Variants in UNC13C observed in about 807,000 individuals in gnomAD.
The protein encoded by UNC13C is protein unc-13 homolog C.
A neutral mutation model predicts 245.4 loss-of-function variants in UNC13C; 174 were observed. The observed-to-expected ratio is 0.71, with a 90% CI of 0.63 to 0.80. The LOEUF (loss-of-function observed/expected upper bound fraction) is 0.80. UNC13C is among the 30% of genes least tolerant of loss of function. UNC13C has a pLI of 0.00. For synonymous variants in UNC13C, 992 were observed against 895.1 expected, an observed-to-expected ratio of 1.11 and a Z score of -1.93; for missense variants, 2,829 against 2,602.9, an observed-to-expected ratio of 1.09 and a Z score of -1.89.
chr15:54,472,742 T>C (rs1203978247), intron 19 of UNC13C, among the ~76,000 whole-genome samples: 1 of 151,958 alleles, frequency 6.6e-6, no homozygotes, highest in East Asian at 1.9e-4. Flanking sequence ...AGAATGTTTC[T>C]TCTGAAATAT....
intron 4 of UNC13C, among the ~76,000 whole-genome samples, chr15:54,233,030 G>A (rs2035594633): frequency 6.6e-6 from 1 of 152,050 alleles, no homozygotes; most frequent in African/African-American, 2.4e-5. Flanking sequence ...TCTGAAGGTG[G>A]GGCTTAAGAA....
chr15:54,396,913 A>G (rs2040081363), intron 18 of UNC13C, among the ~76,000 whole-genome samples: 1 of 151,000 alleles, frequency 6.6e-6, no homozygotes, highest in African/African-American at 2.4e-5. Context: ...TATACTAGAT[A>G]AAAGTCTGTC....
chr15:53,969,623 C>T, the UNC13C span, among the ~76,000 whole-genome samples: 1 of 147,728 alleles, frequency 6.8e-6, no homozygotes, highest in African/African-American at 2.5e-5. Flanking sequence ...GAGTTAGAGG[C>T]TGCAGTGGGC....
At chr15:54,550,213 T>C (rs1484759572) in intron 28 of UNC13C, among the ~76,000 whole-genome samples, 1 of 152,152 alleles carries the variant, frequency 6.6e-6, no homozygotes, top group African/African-American at 2.4e-5. Flanking sequence ...TTCTACCTAC[T>C]AGAATGTAGT....
chr15:54,143,009 C>G lies in UNC13C; in HGVS notation c.2984-9C>G, dbSNP rs773653515. ...ACATTTATCCCTTCTTTTCCTGATT[C>G]TCTTTCAGATAGCAGTTCTGTGGAT... On this transcript the variant is annotated splice_polypyrimidine_tract_variant and intron_variant, in intron 2 of 32. Transcript: ENST00000260323. The G allele has an allele frequency of 1.9e-5, 31 of 1,611,310 alleles. No homozygotes were observed. In the South Asian group the frequency reaches 3.4e-4, roughly 18 times the overall value.
chr15:54,340,081 A>G (rs1222638250), intron 17 of UNC13C, among the ~76,000 whole-genome samples: 1 of 152,124 alleles, frequency 6.6e-6, no homozygotes, highest in Admixed American at 6.5e-5. Flanking sequence ...GGCCATTTGT[A>G]TATCTTCTTT....
At chr15:54,153,081 ACTT>A (rs147441591) in intron 4 of UNC13C, among the ~76,000 whole-genome samples, 3,700 of 152,168 alleles carry the variant, frequency 0.024, 152 homozygotes, top group African/African-American at 0.08. Context: ...ATAATTACTC[ACTT>A]CTTATTTAAA....
intron 13 of UNC13C, among the ~76,000 whole-genome samples, chr15:54,310,740 A>G (rs2037845798): frequency 1.7e-5 from 2 of 117,410 alleles, no homozygotes; most frequent in Non-Finnish European, 3.9e-5. Context: ...GCCTCATTTT[A>G]TATATCTATA....
chr15:54,407,185 T>G (rs1039426823), intron 18 of UNC13C, among the ~76,000 whole-genome samples: 1 of 152,066 alleles, frequency 6.6e-6, no homozygotes, highest in Non-Finnish European at 1.5e-5. Flanking sequence ...GGTGATAATA[T>G]AGAAGATGTA....
intron 19 of UNC13C, among the ~76,000 whole-genome samples, chr15:54,481,978 A>G (rs1381817571): frequency 6.6e-6 from 1 of 152,132 alleles, no homozygotes; most frequent in Non-Finnish European, 1.5e-5. Context: ...GTGTGGCAGC[A>G]TTGCTCCTGT....
intron 31 of UNC13C, 58 bp from the exon 32 acceptor site, chr15:54,623,737 T>G: frequency 2.0e-6 from 3 of 1,517,506 alleles, no homozygotes; most frequent in Non-Finnish European, 2.7e-6. Context: ...ACTTTTAAAA[T>G]TTCACTCTAA....
chr15:54,122,008 T>C (rs2141195962), intron 2 of UNC13C, among the ~76,000 whole-genome samples: 1 of 152,222 alleles, frequency 6.6e-6, no homozygotes, highest in African/African-American at 2.4e-5. Flanking sequence ...ACTTAACAAG[T>C]ATTCTTATTG....
intron 8 of UNC13C, among the ~76,000 whole-genome samples, chr15:54,253,919 A>G (rs569161424): frequency 6.6e-6 from 1 of 152,374 alleles, no homozygotes; most frequent in African/African-American, 2.4e-5. Context: ...CCAGAGTCTT[A>G]CTGAATAAGC....
chr15:54,611,180 AT>A lies in UNC13C; in HGVS notation c.6107-11144del, dbSNP rs536083184. 1.8e-3 allele frequency among the ~76,000 whole-genome samples: 280 copies of A among 152,270 alleles called. 2 individuals carry two copies. Among genetic ancestry groups the A allele is most frequent in the Middle Eastern group, 0.01 (3 of 294 alleles). The stretch of plus-strand genomic sequence containing the variant: ...TGGCAGAGCTGGGAAGTGGAGTAGT[AT>A]TTGCATATGTGCAAGGAAGGATTGT... On this transcript the variant is annotated intron_variant, in intron 30 of 32. Transcript: ENST00000260323.
At chr15:54,067,127 C>T (rs758702604) in intron 2 of UNC13C, among the ~76,000 whole-genome samples, 4 of 151,978 alleles carry the variant, frequency 2.6e-5, no homozygotes, top group East Asian at 1.9e-4. Flanking sequence ...CTGTTTGGTT[C>T]GATTTGATGA....
chr15:54,405,082 A>AT (rs1482198318), intron 18 of UNC13C, among the ~76,000 whole-genome samples: 4 of 152,302 alleles, frequency 2.6e-5, no homozygotes, highest in African/African-American at 9.6e-5. Flanking sequence ...AGCAGGAAAC[A>AT]TTTATTGAGT....
chr15:54,614,344 A>G (rs1344897494), intron 30 of UNC13C, among the ~76,000 whole-genome samples: 1 of 151,972 alleles, frequency 6.6e-6, no homozygotes, highest in Non-Finnish European at 1.5e-5. Context: ...GAGCTGGCAC[A>G]AAGCAAATTT....
intron 18 of UNC13C, among the ~76,000 whole-genome samples, chr15:54,393,635 T>TA (rs2040009804): frequency 1.3e-5 from 2 of 151,922 alleles, no homozygotes; most frequent in Middle Eastern, 3.2e-3. Flanking sequence ...ACATATTTAA[T>TA]AAAACAAGTT....
rs201597087 is a variant in UNC13C, at chr15:54,343,788, G to T, written c.4713+5299G>T. The stretch of plus-strand genomic sequence containing the variant: ...TTTTATAGTAGAAAAGAGAAATTGG[G>T]CTCAACTATGAATACCACAAGGAAA... On this transcript the variant is annotated intron_variant, in intron 17 of 32. Coordinates refer to ENST00000260323, the MANE Select transcript of UNC13C (RefSeq NM_001080534.3). Among the ~76,000 whole-genome samples, 18 of 152,270 alleles carry T rather than the reference G, an allele frequency of 1.2e-4. No homozygotes were observed. In the East Asian group the frequency reaches 3.3e-3, roughly 28 times the overall value.
Sources: allele counts gnomAD v4.1 joint callset (sites outside exome capture counted in the v4.1 genomes callset), GRCh38; gene constraint gnomAD v4.1.1; transcripts MANE v1.5; gene names NCBI Gene and HGNC (gene_info 2026-07-23, HGNC 2026-07-21).